GPBP1: variants seen among roughly 807,000 people sequenced by gnomAD.
GPBP1 encodes vasculin.
Under a neutral mutation model 56.5 loss-of-function variants are expected in GPBP1, and 13 were observed. The ratio of observed to expected loss-of-function variants is 0.23; its 90% CI spans 0.15 to 0.37. The LOEUF (loss-of-function observed/expected upper bound fraction) is 0.37, where lower values mean the gene tolerates loss of function less well. Ranked by LOEUF, GPBP1 falls within the 10% of genes least tolerant of loss-of-function variation. The pLI, the probability that GPBP1 is intolerant of heterozygous loss-of-function variation, is 1.00. For synonymous variants in GPBP1, 204 were observed against 188.9 expected (o/e 1.08, Z -0.66); for missense variants, 477 against 572.3 (o/e 0.83, Z 1.70).
chr5:57,260,703 A>G (rs1741860489), intron 10 of GPBP1, among the ~76,000 whole-genome samples: 1 of 152,154 alleles, frequency 6.6e-6, no homozygotes, highest in Non-Finnish European at 1.5e-5. Context: ...TTAAAAACAA[A>G]CCCTTTCATA....
At chr5:57,221,433 A>G (rs912655686) in intron 3 of GPBP1, 5 of 1,331,028 alleles carry the variant, frequency 3.8e-6, no homozygotes, top group Non-Finnish European at 5.3e-6. Context: ...CAGATATTGA[A>G]AAATTTAGAT....
At chr5:57,248,559 C>A (rs1464432888) in intron 8 of GPBP1, among the ~76,000 whole-genome samples, 11 of 151,872 alleles carry the variant, frequency 7.2e-5, no homozygotes, top group Non-Finnish European at 2.9e-5. Context: ...TCCCAAGTAG[C>A]TGGGACTACA....
At chr5:57,195,082 T>C (rs1754689208) in intron 2 of GPBP1, among the ~76,000 whole-genome samples, 2 of 152,180 alleles carry the variant, frequency 1.3e-5, no homozygotes, top group South Asian at 4.1e-4. Context: ...GGTTTTTTTT[T>C]TGCAATGAGA....
At chr5:57,236,182 A>G (rs1041156962) in intron 6 of GPBP1, 150 bp downstream of exon 6, 1 of 593,232 alleles carries the variant, frequency 1.7e-6, no homozygotes, top group Non-Finnish European at 3.0e-6. Context: ...AAAAAAGGTA[A>G]CATTCGTCTT....
intron 11 of GPBP1, among the ~76,000 whole-genome samples, chr5:57,261,722 T>A (rs1741904164): frequency 6.6e-6 from 1 of 152,188 alleles, no homozygotes; most frequent in African/African-American, 2.4e-5. Flanking sequence ...TAGAGAGTGT[T>A]AGTAGCTTCC....
rs776665008 is a variant in GPBP1 at position 57,262,605 on chromosome 5, T to C, written c.1275T>C (p.Asn425=). The C allele has an allele frequency of 6.2e-6, 10 of 1,611,856 alleles. No homozygotes were observed. The highest frequency in any genetic ancestry group is 8.5e-6 in the Non-Finnish European group (10 of 1,178,156). ...FQVISEQLQK[N]GLRKNGILKN... is the part of the protein sequence containing the mutation. The stretch of plus-strand genomic sequence containing the variant: ...TGTTAACATTTTAGTTACAGAAGAA[T>C]GGTCTGAGAAAAAATGGTATTTTGA... The change falls in exon 12 of 12, where the codon AAT becomes AAC. Residue 425 remains asparagine (N), a synonymous_variant. Transcript: ENST00000506184.
chr5:57,233,997 C>A (rs563774413), intron 5 of GPBP1, among the ~76,000 whole-genome samples: 4 of 152,260 alleles, frequency 2.6e-5, no homozygotes, highest in Non-Finnish European at 4.4e-5. Flanking sequence ...CTATTATAAT[C>A]CTAGACTTGG....
At chr5:57,198,217 G>A (rs1209045164) in intron 2 of GPBP1, among the ~76,000 whole-genome samples, 1 of 152,084 alleles carries the variant, frequency 6.6e-6, no homozygotes, top group Admixed American at 6.6e-5. Flanking sequence ...GCTTCCCACT[G>A]TATTCTACCT....
chr5:57,222,267 T>C (rs1160685375), intron 3 of GPBP1, among the ~76,000 whole-genome samples: 1 of 152,164 alleles, frequency 6.6e-6, no homozygotes, highest in Non-Finnish European at 1.5e-5. Flanking sequence ...CTTAAGATGG[T>C]AGACACTCTT....
intron 2 of GPBP1, among the ~76,000 whole-genome samples, chr5:57,196,082 C>G (rs1197620761): frequency 6.7e-6 from 1 of 148,684 alleles, no homozygotes; most frequent in East Asian, 2.0e-4. Flanking sequence ...TCAGTATTTC[C>G]TTTTCCATAT....
chr5:57,177,560 G>A (rs1753839869), intron 2 of GPBP1, among the ~76,000 whole-genome samples: 2 of 150,564 alleles, frequency 1.3e-5, no homozygotes, highest in Admixed American at 6.6e-5. Flanking sequence ...TGCAGCCTCC[G>A]CCTCCCGGGT....
chr5:57,208,655 C>CTTT (rs70999065), intron 2 of GPBP1, among the ~76,000 whole-genome samples: 4 of 119,068 alleles, frequency 3.4e-5, no homozygotes, highest in African/African-American at 6.6e-5. Flanking sequence ...TTTTGTTTTT[C>CTTT]TTTTTTTTTT....
At chr5:57,262,116 T>A (rs1741920122) in intron 11 of GPBP1, among the ~76,000 whole-genome samples, 1 of 152,222 alleles carries the variant, frequency 6.6e-6, no homozygotes, top group Admixed American at 6.5e-5. Context: ...ATGTTTTGAC[T>A]CAATTCTTAT....
chr5:57,260,474 T>C (rs1159294653), intron 10 of GPBP1, among the ~76,000 whole-genome samples: 1 of 152,196 alleles, frequency 6.6e-6, no homozygotes, highest in Non-Finnish European at 1.5e-5. Flanking sequence ...GCAGAATTCA[T>C]GTTGATCTGA....
At chr5:57,231,928 T>A (rs1325245396) in intron 5 of GPBP1, among the ~76,000 whole-genome samples, 2 of 151,910 alleles carry the variant, frequency 1.3e-5, no homozygotes, top group African/African-American at 4.8e-5. Context: ...CGAGCTTTTG[T>A]TAAGACTGAA....
intron 3 of GPBP1, among the ~76,000 whole-genome samples, chr5:57,221,208 T>G (rs1755944206): frequency 6.6e-6 from 1 of 152,228 alleles, no homozygotes; most frequent in Non-Finnish European, 1.5e-5. Context: ...AAACTGTTGA[T>G]TGTGACCTGT....
intron 6 of GPBP1, 92 bp from the exon 7 acceptor site, chr5:57,246,208 A>T (rs1340906900): frequency 7.0e-6 from 7 of 999,264 alleles, no homozygotes; most frequent in African/African-American, 1.6e-5. Flanking sequence ...AAAAAAAAAA[A>T]AAAATTTGGA....
intron 3 of GPBP1, among the ~76,000 whole-genome samples, chr5:57,228,124 T>A (rs1351651872): frequency 6.6e-6 from 1 of 152,202 alleles, no homozygotes; most frequent in Non-Finnish European, 1.5e-5. Flanking sequence ...CTTTATATGT[T>A]TAAATACTTC....
At chr5:57,233,447 C>G (rs958028272) in intron 5 of GPBP1, among the ~76,000 whole-genome samples, 6 of 152,126 alleles carry the variant, frequency 3.9e-5, no homozygotes, top group South Asian at 2.1e-4. Flanking sequence ...CTGATCCCCC[C>G]TTGAAGTCCA....
Sources: allele counts gnomAD v4.1 joint callset (sites outside exome capture counted in the v4.1 genomes callset), GRCh38; gene constraint gnomAD v4.1.1; transcripts MANE v1.5; gene names NCBI Gene and HGNC (gene_info 2026-07-23, HGNC 2026-07-21).